The following AQR variants were observed in gnomAD, a reference collection of about 807,000 sequenced individuals.
AQR encodes the protein RNA helicase aquarius.
Under a neutral mutation model 180.5 loss-of-function variants are expected in AQR, and 61 were observed. The ratio of observed to expected loss-of-function variants is 0.34; its 90% confidence interval spans 0.28 to 0.42. The LOEUF (loss-of-function observed/expected upper bound fraction) is 0.42, where lower values mean the gene tolerates loss of function less well. Ranked by LOEUF, AQR falls within the 10% of genes least tolerant of loss-of-function variation. The pLI is 1.00. For synonymous variants in AQR, 551 were observed against 588.8 expected, an observed-to-expected ratio of 0.94 and a Z score of 0.93; for missense variants, 1,281 against 1,798.3, an observed-to-expected ratio of 0.71 and a Z score of 5.20.
chr15:34,903,447 A>G (rs1893364285), intron 19 of AQR, among the ~76,000 whole-genome samples: 1 of 152,130 alleles, frequency 6.6e-6, no homozygotes, highest in Admixed American at 6.5e-5. Context: ...CAGGGATATG[A>G]GAGATAAAGG....
intron 6 of AQR, chr15:34,943,022 T>C: frequency 1.3e-6 from 2 of 1,529,844 alleles, no homozygotes; most frequent in Non-Finnish European, 1.8e-6. Context: ...TTCTATTTGT[T>C]CTGTTTAGTT....
intron 17 of AQR, among the ~76,000 whole-genome samples, chr15:34,908,984 TAGATGAGTA>T (rs58306835): frequency 0.017 from 2,568 of 152,296 alleles, 72 homozygotes; most frequent in African/African-American, 0.057. Context: ...CACATTAGTC[TAGATGAGTA>T]ATATACCAGG....
In AQR at chr15:34,932,229, T is replaced by C. The variant is rs975852362; in HGVS notation, c.900+89A>G. 4.6e-6 allele frequency: 5 copies of C among 1,082,942 alleles called. No homozygotes were observed. The African/African-American group carries it at 7.9e-5, about 17-fold the overall frequency. The allele number at this position is 1,082,942 out of a possible 1,614,324, so 67.1% of individuals were successfully genotyped here. On this transcript the variant is annotated intron_variant, in intron 11 of 34. Coordinates refer to ENST00000156471, the MANE Select transcript of AQR (RefSeq NM_014691.3). ...ACTTTAAAATAACTAGGAGTTTGTGTTATGCCCTGATACTCCCAGTTGTGT... is the reference window on the plus strand; with the variant it reads ...ACTTTAAAATAACTAGGAGTTTGTGCTATGCCCTGATACTCCCAGTTGTGT...
chr15:34,917,557 T>C (rs1201450017), intron 15 of AQR, among the ~76,000 whole-genome samples: 3 of 152,090 alleles, frequency 2.0e-5, no homozygotes, highest in Non-Finnish European at 4.4e-5. Context: ...TTTTTGGTGA[T>C]CATTACCTGC....
intron 3 of AQR, among the ~76,000 whole-genome samples, chr15:34,958,267 C>A (rs1258343955): frequency 6.6e-6 from 1 of 152,144 alleles, no homozygotes; most frequent in Non-Finnish European, 1.5e-5. Context: ...ATAATCCCAG[C>A]ACTTTGGGCG....
chr15:34,929,564 C>A (rs1425825129), intron 12 of AQR, among the ~76,000 whole-genome samples: 1 of 152,122 alleles, frequency 6.6e-6, no homozygotes, highest in Admixed American at 6.5e-5. Flanking sequence ...GTTTTGGTAC[C>A]AGTACCAAGC....
At chr15:34,920,259 A>G in intron 14 of AQR, 73 bp downstream of exon 14, 4 of 1,078,408 alleles carry the variant, frequency 3.7e-6, no homozygotes, top group Non-Finnish European at 5.4e-6. Flanking sequence ...ATCTATATGA[A>G]CCTACATCTT....
intron 13 of AQR, among the ~76,000 whole-genome samples, chr15:34,925,841 C>CA (rs1315159778): frequency 8.4e-4 from 123 of 146,080 alleles, no homozygotes; most frequent in Middle Eastern, 3.9e-3. Context: ...TCAAAAAAAA[C>CA]AAAAAAAAAG....
At chr15:34,946,708 G>A (rs1894128064) in intron 5 of AQR, among the ~76,000 whole-genome samples, 1 of 137,914 alleles carries the variant, frequency 7.3e-6, no homozygotes, top group Admixed American at 7.0e-5. Flanking sequence ...AGGGAGGTGG[G>A]GGGGTCAGCC....
chr15:34,911,902 T>G (rs2140481677), intron 16 of AQR, among the ~76,000 whole-genome samples: 1 of 86,420 alleles, frequency 1.2e-5, no homozygotes. Context: ...TGTTTTCTTC[T>G]CGGAGTTTCA....
chr15:34,948,500 C>T (rs891002463), intron 4 of AQR, 116 bp from the exon 5 acceptor site: 2 of 1,338,276 alleles, frequency 1.5e-6, no homozygotes, highest in African/African-American at 1.5e-5. Flanking sequence ...TTGGAAATCT[C>T]TATTTATAAC....
In AQR at chr15:34,963,374, T is replaced by C. The variant is rs114461094; in HGVS notation, c.132+860A>G. ...TTCTAAATTGCTTCAGTTGGACTTA[T>C]TCAATTGAATAAGTTCAATTCCCTT... On this transcript the variant is annotated intron_variant, in intron 2 of 34. Coordinates refer to ENST00000156471, the MANE Select transcript of AQR (RefSeq NM_014691.3). 4.2e-3 allele frequency among the ~76,000 whole-genome samples: 645 copies of C among 152,290 alleles called. 2 individuals are homozygous for C. Among genetic ancestry groups the C allele is most frequent in the African/African-American group, 0.015 (619 of 41,556 alleles).
intron 24 of AQR, among the ~76,000 whole-genome samples, chr15:34,889,254 G>A (rs1347884523): frequency 6.6e-6 from 1 of 152,202 alleles, no homozygotes; most frequent in Non-Finnish European, 1.5e-5. Context: ...CTTATGGCAT[G>A]TTGTTCTTTG....
Position 34,867,687 on chromosome 15 carries a change from G to A in AQR, c.3769-78C>T, listed in dbSNP as rs938577304. The stretch of plus-strand genomic sequence containing the variant: ...AGAGATCATTTAAATAATGTGCTAG[G>A]AACAAACATCTTATCCTTAATCAAT... On this transcript the variant is annotated intron_variant, in intron 31 of 34. Transcript: ENST00000156471. 3 of 977,172 alleles carry A rather than the reference G, an allele frequency of 3.1e-6. 1 individual carries two copies. Among genetic ancestry groups the A allele is most frequent in the Non-Finnish European group, 4.8e-6 (3 of 629,272 alleles). The allele number at this position is 977,172 out of a possible 1,614,324, so 60.5% of individuals were successfully genotyped here.
chr15:34,947,050 C>T (rs1443990956), intron 5 of AQR, among the ~76,000 whole-genome samples: 9 of 152,146 alleles, frequency 5.9e-5, no homozygotes, highest in Non-Finnish European at 1.3e-4. Context: ...ATGACAATGG[C>T]GGTTTTGTAG....
At chr15:34,953,897 C>A (rs1374097341) in intron 3 of AQR, among the ~76,000 whole-genome samples, 1 of 152,138 alleles carries the variant, frequency 6.6e-6, no homozygotes, top group Non-Finnish European at 1.5e-5. Flanking sequence ...TTGACAATGT[C>A]TTTTAAACAT....
chr15:34,888,381 T>G (rs1566982765), intron 24 of AQR, among the ~76,000 whole-genome samples: 3 of 151,758 alleles, frequency 2.0e-5, no homozygotes. Flanking sequence ...TTATTACACT[T>G]AAAAGATAAA....
chr15:34,860,397 C>G (rs74009748), intron 33 of AQR, among the ~76,000 whole-genome samples: 2 of 149,522 alleles, frequency 1.3e-5, no homozygotes, highest in African/African-American at 2.5e-5. Context: ...CTGCTGGCCA[C>G]GTGACTCCCA....
At position 34,867,519 on chromosome 15, in the gene AQR, C is replaced by G; in HGVS notation, c.3854+5G>C. 5 of 1,609,918 alleles carry G rather than the reference C, an allele frequency of 3.1e-6. No homozygotes were observed. Among genetic ancestry groups the G allele is most frequent in the Non-Finnish European group, 4.2e-6 (5 of 1,176,946 alleles). ...TAAATATTATGAAAGTTTTTTCCTACGTACCTCAGATGGCCCACTGCCCTG... is the reference window on the plus strand; with the variant it reads ...TAAATATTATGAAAGTTTTTTCCTAGGTACCTCAGATGGCCCACTGCCCTG... On this transcript the variant is annotated splice_donor_5th_base_variant and intron_variant, in intron 32 of 34. Transcript: ENST00000156471.
Sources: gnomAD v4.1 joint callset for allele counts (sites outside exome capture counted in the v4.1 genomes callset) on GRCh38, gnomAD v4.1.1 for gene constraint, MANE v1.5 for transcripts, NCBI Gene and HGNC (gene_info 2026-07-23, HGNC 2026-07-21) for gene names.